ATP8B4: variants seen among roughly 807,000 people sequenced by gnomAD.
ATP8B4 encodes probable phospholipid-transporting ATPase IM.
A neutral mutation model predicts 145.6 loss-of-function variants in ATP8B4; 133 were observed. The ratio of observed to expected loss-of-function variants is 0.91; its 90% confidence interval spans 0.79 to 1.05. The LOEUF is 1.05. Among genes scored for constraint, ATP8B4 ranks in the 50% least tolerant of loss-of-function variants. The pLI is 0.00. For missense variants in ATP8B4, 1,458 were observed against 1,425.2 expected, an observed-to-expected ratio of 1.02 and a Z score of -0.37; for synonymous variants, 507 against 492.9, an observed-to-expected ratio of 1.03 and a Z score of -0.38.
intron 10 of ATP8B4, among the ~76,000 whole-genome samples, chr15:49,986,487 C>T (rs113022585): frequency 0.019 from 2,864 of 152,248 alleles, 101 homozygotes; most frequent in African/African-American, 0.066. Context: ...ATGGCAATGC[C>T]CCAAGCGGCA....
chr15:50,040,499 T>A (rs963909621), intron 5 of ATP8B4, among the ~76,000 whole-genome samples: 1 of 152,176 alleles, frequency 6.6e-6, no homozygotes, highest in African/African-American at 2.4e-5. Context: ...CCCTGACTGG[T>A]GAAGGTGTCC....
chr15:50,084,047 C>A (rs1045961943), intron 2 of ATP8B4, among the ~76,000 whole-genome samples: 1 of 152,102 alleles, frequency 6.6e-6, no homozygotes, highest in Non-Finnish European at 1.5e-5. Flanking sequence ...CCTGCCTGTC[C>A]CAGGCAGCTC....
chr15:50,109,729 G>A (rs1356854204), intron 1 of ATP8B4, among the ~76,000 whole-genome samples: 1 of 152,004 alleles, frequency 6.6e-6, no homozygotes, highest in Non-Finnish European at 1.5e-5. Flanking sequence ...AAAGTACCAG[G>A]CACTTGGCAG....
At chr15:49,881,679 A>G (rs1413484191) in intron 23 of ATP8B4, among the ~76,000 whole-genome samples, 1 of 152,176 alleles carries the variant, frequency 6.6e-6, no homozygotes, top group African/African-American at 2.4e-5. Context: ...CAGACTGGAA[A>G]AGCTGGCTGG....
chr15:49,881,357 T>G (rs996541118), intron 23 of ATP8B4, among the ~76,000 whole-genome samples: 31 of 152,232 alleles, frequency 2.0e-4, no homozygotes, highest in African/African-American at 7.5e-4. Context: ...GTCTTTTATT[T>G]TTAATATAAC....
intron 1 of ATP8B4, among the ~76,000 whole-genome samples, chr15:50,172,040 G>A (rs1005169238): frequency 1.3e-5 from 2 of 152,132 alleles, no homozygotes; most frequent in African/African-American, 4.8e-5. Context: ...ACTGAACAGT[G>A]AGATTGAAAT....
At chr15:50,126,083 G>A (rs928375405) in intron 1 of ATP8B4, among the ~76,000 whole-genome samples, 2 of 152,100 alleles carry the variant, frequency 1.3e-5, no homozygotes, top group East Asian at 3.9e-4. Context: ...GGTGTCCCTT[G>A]TCCAAACAGG....
chr15:50,154,730 A>G (rs949845324), intron 1 of ATP8B4, among the ~76,000 whole-genome samples: 3 of 151,996 alleles, frequency 2.0e-5, no homozygotes, highest in Middle Eastern at 3.4e-3. Context: ...GCTGGAGTGC[A>G]GTGACGTGAT....
chr15:49,931,324 C>G lies in ATP8B4; in HGVS notation c.1454-17G>C. Reference sequence around the variant, plus strand: ...TCAGCTCTCCTAAAAGGTAAAGAAACAAGTGTATCAATACTGACTAACAGC... The same window carrying G: ...TCAGCTCTCCTAAAAGGTAAAGAAAGAAGTGTATCAATACTGACTAACAGC... On this transcript the variant is annotated splice_polypyrimidine_tract_variant and intron_variant, in intron 15 of 27. Coordinates refer to ENST00000284509, the MANE Select transcript of ATP8B4 (RefSeq NM_024837.4). The G allele has an allele frequency of 6.2e-7, 1 of 1,604,944 alleles. No homozygotes were observed. Among genetic ancestry groups the G allele is most frequent in the Non-Finnish European group, 8.5e-7 (1 of 1,173,472 alleles).
chr15:50,107,067 C>G, intron 1 of ATP8B4, 59 bp from the exon 2 acceptor site: 1 of 1,138,582 alleles, frequency 8.8e-7, no homozygotes, highest in East Asian at 2.6e-5. Context: ...TATAAATTTA[C>G]CTCCTTTAAC....
intron 6 of ATP8B4, among the ~76,000 whole-genome samples, chr15:50,014,763 A>C (rs1257653206): frequency 6.6e-6 from 1 of 152,146 alleles, no homozygotes; most frequent in African/African-American, 2.4e-5. Flanking sequence ...TATCTCATTT[A>C]ATCCTCACAA....
chr15:49,996,753 C>T lies in ATP8B4; in HGVS notation c.513G>A (p.Thr171=), dbSNP rs536808455. The T allele has an allele frequency of 3.1e-6, 5 of 1,608,412 alleles. No individual in the cohort carries two copies. The highest frequency in any genetic ancestry group is 1.3e-5 in the African/African-American group (1 of 74,816). Residue 171 remains threonine, a synonymous_variant, in exon 9 of 28, where the codon ACG becomes ACA. Transcript: ENST00000284509. ...ATAGTGCATGGCGGACTTTTAGGTT[C>T]GTTTCCCTGTGAAATTATTGACATG... The part of the protein sequence containing the change: ...YVETAELDGE[T]NLKVRHALSV...
chr15:49,945,397 C>T (rs1214977519), intron 14 of ATP8B4, among the ~76,000 whole-genome samples: 1 of 152,114 alleles, frequency 6.6e-6, no homozygotes, highest in Non-Finnish European at 1.5e-5. Context: ...AAGCCCAAGA[C>T]CAGATGGTTT....
At chr15:50,011,807 A>T (rs2048739043) in intron 6 of ATP8B4, among the ~76,000 whole-genome samples, 1 of 152,158 alleles carries the variant, frequency 6.6e-6, no homozygotes, top group Admixed American at 6.6e-5. Flanking sequence ...TTTCTTTCTC[A>T]GAGATTCCCT....
In ATP8B4 at chr15:49,876,428, C is replaced by T. The variant is rs965348048; in HGVS notation, c.2877G>A (p.Val959=). ...LFNKRKFFIC[V]LHGIYTSLVL... ...CTAATGAGGTGTAGATTCCATGCAA[C>T]ACGCAAATGAAAAATTTACGCTTGT... The change falls in exon 25 of 28, where the codon GTG becomes GTA. Residue 959 remains valine, a synonymous_variant. Coordinates refer to ENST00000284509, the MANE Select transcript of ATP8B4 (RefSeq NM_024837.4). 1 of 1,614,072 alleles carries T rather than the reference C, an allele frequency of 6.2e-7. No individual in the cohort carries two copies. The highest frequency in any genetic ancestry group is 8.5e-7 in the Non-Finnish European group (1 of 1,179,988).
intron 6 of ATP8B4, among the ~76,000 whole-genome samples, chr15:50,024,887 A>G (rs1243674441): frequency 6.6e-6 from 1 of 152,110 alleles, no homozygotes; most frequent in Non-Finnish European, 1.5e-5. Context: ...AACACAGAAC[A>G]CTAGGGTAAA....
chr15:50,052,705 G>A (rs927109468), intron 3 of ATP8B4, among the ~76,000 whole-genome samples: 2 of 152,096 alleles, frequency 1.3e-5, no homozygotes, highest in Non-Finnish European at 2.9e-5. Context: ...ATATTTTAAC[G>A]CAAAGGCCCT....
chr15:50,024,605 C>G (rs568203492), intron 6 of ATP8B4, among the ~76,000 whole-genome samples: 1 of 152,288 alleles, frequency 6.6e-6, no homozygotes, highest in African/African-American at 2.4e-5. Context: ...CAGAAAGTGC[C>G]GCTGCAAGGG....
chr15:49,888,248 C>T (rs544907614), intron 23 of ATP8B4, among the ~76,000 whole-genome samples: 2 of 152,286 alleles, frequency 1.3e-5, no homozygotes, highest in South Asian at 4.1e-4. Flanking sequence ...GCAGAGCTAC[C>T]ATGCCAGGTG....
Sources: allele counts gnomAD v4.1 joint callset (sites outside exome capture counted in the v4.1 genomes callset), GRCh38; gene constraint gnomAD v4.1.1; transcripts MANE v1.5; gene names NCBI Gene and HGNC (gene_info 2026-07-23, HGNC 2026-07-21).